PHACTR1: variants seen among roughly 807,000 people sequenced by gnomAD.
PHACTR1 encodes the protein phosphatase and actin regulator 1.
Under a neutral mutation model 69.2 loss-of-function variants are expected in PHACTR1, and 16 were observed. The observed-to-expected ratio is 0.23, with a 90% CI of 0.16 to 0.35. The LOEUF is 0.35. Among genes scored for constraint, PHACTR1 ranks in the 10% least tolerant of loss-of-function variants. The probability of loss-of-function intolerance (pLI) is 1.00; values close to 1 mark genes in which losing one functional copy is unlikely to be tolerated. For synonymous variants in PHACTR1, 312 were observed against 284.5 expected, an observed-to-expected ratio of 1.10 and a Z score of -0.97; for missense variants, 510 against 734.7, an observed-to-expected ratio of 0.69 and a Z score of 3.54.
intron 5 of PHACTR1, among the ~76,000 whole-genome samples, chr6:13,116,086 C>G (rs140160223): frequency 6.6e-6 from 1 of 152,330 alleles, no homozygotes; most frequent in East Asian, 1.9e-4. Context: ...TATACTGGAA[C>G]TATCTGGTTT....
chr6:12,773,215 C>G (rs908082178), intron 4 of PHACTR1, among the ~76,000 whole-genome samples: 2 of 152,100 alleles, frequency 1.3e-5, no homozygotes, highest in African/African-American at 4.8e-5. Flanking sequence ...GTTTGTATCT[C>G]CAGATAAAAA....
intron 4 of PHACTR1, among the ~76,000 whole-genome samples, chr6:12,915,842 G>C (rs1041704476): frequency 1.3e-5 from 2 of 152,088 alleles, no homozygotes; most frequent in African/African-American, 4.8e-5. Flanking sequence ...CTCTCACATG[G>C]ACTTTGGCCA....
chr6:12,984,047 T>A (rs1324078017), intron 4 of PHACTR1, among the ~76,000 whole-genome samples: 1 of 152,226 alleles, frequency 6.6e-6, no homozygotes, highest in Non-Finnish European at 1.5e-5. Context: ...TTTATAATCC[T>A]TTGGGTATAT....
intron 4 of PHACTR1, among the ~76,000 whole-genome samples, chr6:12,763,812 G>C (rs115101832): frequency 0.014 from 2,118 of 152,120 alleles, 56 homozygotes; most frequent in African/African-American, 0.049. Flanking sequence ...AAATCAACTG[G>C]TTATTTAGTT....
chr6:12,800,295 A>G (rs1773543568), intron 4 of PHACTR1, among the ~76,000 whole-genome samples: 1 of 152,216 alleles, frequency 6.6e-6, no homozygotes, highest in Non-Finnish European at 1.5e-5. Context: ...CCATATGTGC[A>G]AGAGAAAAAT....
chr6:12,803,418 A>T (rs966073362), intron 4 of PHACTR1, among the ~76,000 whole-genome samples: 1 of 152,150 alleles, frequency 6.6e-6, no homozygotes, highest in Non-Finnish European at 1.5e-5. Flanking sequence ...GGTGAGGAAG[A>T]CTAAAGAACA....
chr6:12,940,138 G>A (rs565679292), intron 4 of PHACTR1, among the ~76,000 whole-genome samples: 5 of 152,222 alleles, frequency 3.3e-5, no homozygotes, highest in South Asian at 2.1e-4. Flanking sequence ...CAGCCTCTGC[G>A]ACACAATGGC....
At chr6:12,770,810 C>T (rs1429304582) in intron 4 of PHACTR1, among the ~76,000 whole-genome samples, 3 of 152,022 alleles carry the variant, frequency 2.0e-5, no homozygotes, top group Non-Finnish European at 4.4e-5. Flanking sequence ...CGATAGAAAA[C>T]GGGGAGCCTG....
At chr6:12,920,606 G>C (rs1787529672) in intron 4 of PHACTR1, among the ~76,000 whole-genome samples, 1 of 152,202 alleles carries the variant, frequency 6.6e-6, no homozygotes, top group Admixed American at 6.5e-5. Context: ...GAGTGAGGCA[G>C]AATGCAATAT....
chr6:13,125,187 G>C (rs1819348852), intron 5 of PHACTR1, among the ~76,000 whole-genome samples: 1 of 152,228 alleles, frequency 6.6e-6, no homozygotes, highest in Admixed American at 6.5e-5. Context: ...CAGAGGAGTG[G>C]AGAAGCCAGG....
intron 7 of PHACTR1, chr6:13,185,020 C>T: frequency 7.4e-7 from 1 of 1,346,488 alleles, no homozygotes; most frequent in Non-Finnish European, 9.9e-7. Flanking sequence ...GTGCAGACGT[C>T]TTCTGGGGCA....
At chr6:13,149,611 C>T (rs991063005) in intron 5 of PHACTR1, among the ~76,000 whole-genome samples, 2 of 152,026 alleles carry the variant, frequency 1.3e-5, no homozygotes, top group Non-Finnish European at 2.9e-5. Flanking sequence ...TTGTTCACGT[C>T]GACTCTGCTA....
intron 4 of PHACTR1, among the ~76,000 whole-genome samples, chr6:12,830,293 C>T (rs1296323535): frequency 6.6e-6 from 1 of 151,310 alleles, no homozygotes; most frequent in Non-Finnish European, 1.5e-5. Flanking sequence ...TACTCTACTC[C>T]CTTAGTGGAT....
At chr6:13,058,111 A>G (rs1300852553) in intron 5 of PHACTR1, among the ~76,000 whole-genome samples, 1 of 152,192 alleles carries the variant, frequency 6.6e-6, no homozygotes, top group African/African-American at 2.4e-5. Flanking sequence ...TGAATCTGCA[A>G]TGGGATCCAC....
At chr6:12,939,959 C>T (rs766415855) in intron 4 of PHACTR1, among the ~76,000 whole-genome samples, 14 of 152,158 alleles carry the variant, frequency 9.2e-5, no homozygotes, top group African/African-American at 3.1e-4. Context: ...TGCTTCTGTC[C>T]TCAGGACCCA....
chr6:12,860,856 AT>A (rs1780871220), intron 4 of PHACTR1, among the ~76,000 whole-genome samples: 1 of 152,232 alleles, frequency 6.6e-6, no homozygotes, highest in African/African-American at 2.4e-5. Flanking sequence ...TTCCAAGGTT[AT>A]GATATAAGGA....
chr6:13,016,905 G>A (rs755260878), intron 4 of PHACTR1, among the ~76,000 whole-genome samples: 11 of 152,114 alleles, frequency 7.2e-5, no homozygotes, highest in Non-Finnish European at 1.3e-4. Context: ...ACCAAGATGC[G>A]GCTGGGCGCG....
chr6:12,864,418 C>T lies in PHACTR1; in HGVS notation c.250+114628C>T, dbSNP rs560663881. 3.9e-4 allele frequency among the ~76,000 whole-genome samples: 59 copies of T among 152,312 alleles called. 1 individual carries two copies. The highest frequency in any genetic ancestry group is 1.4e-3 in the Admixed American group (21 of 15,306). On this transcript the variant is annotated intron_variant, in intron 4 of 14. Coordinates refer to ENST00000332995, the MANE Select transcript of PHACTR1 (RefSeq NM_030948.6). ...AAATCAGGTCGGGCGCCCTGGCTCA[C>T]GCCTGTAATCCCAGCACTTTGGGAG...
intron 8 of PHACTR1, among the ~76,000 whole-genome samples, chr6:13,226,150 T>C (rs1769641502): frequency 2.0e-5 from 3 of 152,250 alleles, no homozygotes; most frequent in South Asian, 4.1e-4. Context: ...AGTTGGCTTT[T>C]TTTTAAGTTG....
Sources: allele counts gnomAD v4.1 joint callset (sites outside exome capture counted in the v4.1 genomes callset), GRCh38; gene constraint gnomAD v4.1.1; transcripts MANE v1.5; gene names NCBI Gene and HGNC (gene_info 2026-07-23, HGNC 2026-07-21).